SYNRG: variants seen among roughly 807,000 people sequenced by gnomAD.
SYNRG encodes the protein synergin gamma.
In SYNRG, 37 loss-of-function variants were observed where a neutral mutation model predicts 130.9. The observed-to-expected ratio is 0.28, with a 90% confidence interval of 0.22 to 0.37. The LOEUF (loss-of-function observed/expected upper bound fraction) is 0.37. Among genes scored for constraint, SYNRG ranks in the 10% least tolerant of loss-of-function variants. The pLI is 1.00. For synonymous variants in SYNRG, 539 were observed against 568.1 expected (o/e 0.95, Z 0.73); for missense variants, 1,338 against 1,588.9 (o/e 0.84, Z 2.68).
intron 3 of SYNRG, among the ~76,000 whole-genome samples, chr17:37,591,052 G>A (rs1378806092): frequency 6.6e-6 from 1 of 152,004 alleles, no homozygotes; most frequent in Non-Finnish European, 1.5e-5. Flanking sequence ...ATAAAGGTAG[G>A]ACATGACTAC....
At chr17:37,594,126 G>C (rs1215660887) in intron 3 of SYNRG, among the ~76,000 whole-genome samples, 1 of 149,136 alleles carries the variant, frequency 6.7e-6, no homozygotes, top group African/African-American at 2.4e-5. Flanking sequence ...TCAGATAATT[G>C]TGTAAGTCAT....
Position 37,529,714 on chromosome 17 carries a change from A to T in SYNRG, c.3666+6265T>A, listed in dbSNP as rs116098857. 1.0e-3 allele frequency: 1,514 copies of T among 1,451,062 alleles called. 18 individuals carry two copies. In the African/African-American group the frequency reaches 0.019, roughly 18 times the overall value. 89.9% of individuals were successfully genotyped at this position (1,451,062 alleles called of 1,614,324 possible). A position where few individuals can be genotyped will look rare whatever the true frequency, so the allele number is the denominator to read the frequency against. ...AGAAGTAAACGCACAGCAGCAACCC[A>T]GGAATCTCCCCACTTATCCTTTCCC... On this transcript the variant is annotated intron_variant, in intron 19 of 21. Coordinates refer to ENST00000612223, the MANE Select transcript of SYNRG (RefSeq NM_007247.6).
At chr17:37,521,903 G>A (rs551460764) in intron 19 of SYNRG, among the ~76,000 whole-genome samples, 3 of 152,060 alleles carry the variant, frequency 2.0e-5, no homozygotes, top group Non-Finnish European at 4.4e-5. Flanking sequence ...GACCAGGTTT[G>A]AGGATGGAAG....
intron 1 of SYNRG, among the ~76,000 whole-genome samples, chr17:37,607,962 A>AC (rs1568574089): frequency 2.2e-4 from 32 of 144,512 alleles, no homozygotes; most frequent in African/African-American, 7.9e-4. Context: ...TCTCAAAAAA[A>AC]AAAAAAAAAA....
intron 1 of SYNRG, among the ~76,000 whole-genome samples, chr17:37,602,650 C>A (rs1307689999): frequency 6.6e-6 from 1 of 151,992 alleles, no homozygotes; most frequent in Non-Finnish European, 1.5e-5. Context: ...GGAAGAGACC[C>A]TAGGGAGAAA....
At chr17:37,552,030 C>T (rs2058747587) in intron 14 of SYNRG, among the ~76,000 whole-genome samples, 1 of 152,154 alleles carries the variant, frequency 6.6e-6, no homozygotes, top group Non-Finnish European at 1.5e-5. Context: ...TTAGCAATAC[C>T]TACAACATTT....
chr17:37,585,876 C>G (rs571258512), intron 4 of SYNRG, among the ~76,000 whole-genome samples: 1 of 152,260 alleles, frequency 6.6e-6, no homozygotes, highest in Non-Finnish European at 1.5e-5. Flanking sequence ...CCTGGACTGA[C>G]AAGTTGTTTC....
intron 13 of SYNRG, among the ~76,000 whole-genome samples, chr17:37,555,108 T>C (rs922690946): frequency 1.3e-4 from 20 of 152,174 alleles, no homozygotes; most frequent in Admixed American, 2.6e-4. Context: ...AGTTAAGACA[T>C]TGATAAAAAT....
intron 1 of SYNRG, among the ~76,000 whole-genome samples, chr17:37,607,239 A>G (rs1035675769): frequency 6.6e-6 from 1 of 152,228 alleles, no homozygotes; most frequent in African/African-American, 2.4e-5. Context: ...AATTCAACCC[A>G]TATTTATTTT....
chr17:37,562,878 T>A (rs759226737), intron 11 of SYNRG, among the ~76,000 whole-genome samples: 1 of 152,196 alleles, frequency 6.6e-6, no homozygotes, highest in Non-Finnish European at 1.5e-5. Context: ...ATTTCTTTAT[T>A]TTTCATGACC....
intron 6 of SYNRG, among the ~76,000 whole-genome samples, chr17:37,580,478 CGTGTGT>C (rs1341679385): frequency 8.2e-6 from 1 of 121,958 alleles, no homozygotes; most frequent in African/African-American, 3.4e-5. Flanking sequence ...CTTTGTATTT[CGTGTGT>C]GTGTGTGTGT....
chr17:37,544,358 A>G (rs1416862871), intron 14 of SYNRG, among the ~76,000 whole-genome samples: 3 of 151,228 alleles, frequency 2.0e-5, no homozygotes, highest in African/African-American at 7.3e-5. Flanking sequence ...CTTGTCACCC[A>G]GCCTGGAGTG....
At chr17:37,559,189 T>C (rs1167919605) in intron 13 of SYNRG, among the ~76,000 whole-genome samples, 1 of 152,214 alleles carries the variant, frequency 6.6e-6, no homozygotes, top group Non-Finnish European at 1.5e-5. Context: ...TCTAGTATTA[T>C]AGATGTAAGA....
At chr17:37,529,931 A>C in intron 19 of SYNRG, 4 of 1,264,232 alleles carry the variant, frequency 3.2e-6, no homozygotes, top group Non-Finnish European at 3.3e-6. Flanking sequence ...GTAAGAACCG[A>C]TTGCCACCCA....
intron 11 of SYNRG, chr17:37,566,816 T>A (rs2060035277): frequency 1.3e-5 from 2 of 152,226 alleles, no homozygotes; most frequent in Non-Finnish European, 2.9e-5. Context: ...ACCCATTTGA[T>A]AAATTAGGTT....
chr17:37,560,117 C>T (rs1343752967), intron 13 of SYNRG, among the ~76,000 whole-genome samples: 1 of 152,038 alleles, frequency 6.6e-6, no homozygotes, highest in African/African-American at 2.4e-5. Context: ...CACTATGTTG[C>T]CCAGGCTGGT....
At chr17:37,581,130 G>A (rs967088944) in intron 6 of SYNRG, among the ~76,000 whole-genome samples, 4 of 152,030 alleles carry the variant, frequency 2.6e-5, no homozygotes, top group African/African-American at 7.2e-5. Context: ...TGGCACTAAA[G>A]GATATAAATG....
Position 37,542,499 on chromosome 17 carries a change from G to C in SYNRG, c.2675C>G (p.Thr892Arg). Residue 892 changes from threonine to arginine, a missense_variant, in exon 15 of 22, where the codon ACA becomes AGA. Physicochemically the swap from Thr to Arg is moderately conservative, Grantham distance 71. Transcript: ENST00000612223. Reference sequence around the variant, plus strand: ...ATCCCTGTCTGACCAGTCATAGCTTGTAAGTGTGCTCACTGCAAAATTGCT... The same window carrying C: ...ATCCCTGTCTGACCAGTCATAGCTTCTAAGTGTGCTCACTGCAAAATTGCT... ...YSSNFAVSTL[T>R]SYDWSDRDDA... is the part of the protein sequence containing the mutation. The C allele has an allele frequency of 6.2e-7, 1 of 1,613,494 alleles. No individual in the cohort carries two copies. Among genetic ancestry groups the C allele is most frequent in the Admixed American group, 1.7e-5 (1 of 60,018 alleles).
At chr17:37,522,156 C>CACACACACACACACACACACACA (rs1002250003) in intron 19 of SYNRG, among the ~76,000 whole-genome samples, 1 of 151,758 alleles carries the variant, frequency 6.6e-6, no homozygotes, top group Admixed American at 6.6e-5. Flanking sequence ...CACACACACA[C>CACACACACACACACACACACACA]AATGGTTAAA....
Sources: gnomAD v4.1 joint callset for allele counts (sites outside exome capture counted in the v4.1 genomes callset) on GRCh38, gnomAD v4.1.1 for gene constraint, MANE v1.5 for transcripts, NCBI Gene and HGNC (gene_info 2026-07-23, HGNC 2026-07-21) for gene names.